Variants in ARFGAP1 observed in about 807,000 individuals in gnomAD.
ARFGAP1 encodes the protein ARF GTPase activating protein 1.
In ARFGAP1, 26 loss-of-function variants were observed where a neutral mutation model predicts 54.0. The observed-to-expected ratio is 0.48, with a 90% CI of 0.35 to 0.67. The LOEUF (loss-of-function observed/expected upper bound fraction) is 0.67. Ranked by LOEUF, ARFGAP1 falls within the 30% of genes least tolerant of loss-of-function variation. The probability of loss-of-function intolerance (pLI) is 0.00; values close to 1 mark genes in which losing one functional copy is unlikely to be tolerated. For missense variants in ARFGAP1, 525 were observed against 535.8 expected, an observed-to-expected ratio of 0.98 and a Z score of 0.20; for synonymous variants, 248 against 211.9, an observed-to-expected ratio of 1.17 and a Z score of -1.48.
chr20:63,285,548 GC>G (rs2067510018), intron 10 of ARFGAP1, 105 bp from the exon 11 acceptor site: 1 of 1,185,122 alleles, frequency 8.4e-7, no homozygotes, highest in Admixed American at 1.7e-5. Flanking sequence ...GTATCCACAT[GC>G]CCCTGATATT....
At chr20:63,282,768 C>T (rs774348188) in intron 8 of ARFGAP1, 51 bp from the exon 9 acceptor site, 10 of 1,604,450 alleles carry the variant, frequency 6.2e-6, no homozygotes, top group East Asian at 2.2e-5. Flanking sequence ...GGAAGGATGC[C>T]TGGCAGCCCA....
In ARFGAP1 at chr20:63,278,203, G is replaced by A; in HGVS notation, c.530G>A (p.Gly177Glu). The A allele has an allele frequency of 6.2e-7, 1 of 1,612,998 alleles. No individual in the cohort carries two copies. Among genetic ancestry groups the A allele is most frequent in the East Asian group, 2.2e-5 (1 of 44,882 alleles). ...WLNDDLGSYQ[G>E]AQGNRYVGFG... ...AATGATGACCTCGGCTCCTATCAAGGGTAAGGACTTGAGAGCTGGGGACGC... is the reference window on the plus strand; with the variant it reads ...AATGATGACCTCGGCTCCTATCAAGAGTAAGGACTTGAGAGCTGGGGACGC... The change falls in exon 6 of 13, where the codon GGG (glycine) becomes GAG (glutamate). Residue 177 changes from glycine (G) to glutamate (E), a missense_variant and splice_region_variant. Gly to Glu is a moderately conservative substitution (Grantham distance 98). Transcript: ENST00000370283.
At chr20:63,283,963 C>T (rs1455834146) in intron 9 of ARFGAP1, 2 of 1,587,828 alleles carry the variant, frequency 1.3e-6, no homozygotes, top group Non-Finnish European at 8.6e-7. Flanking sequence ...CTGCGTGCTG[C>T]CACTGTCTTG....
intron 9 of ARFGAP1, 196 bp from the exon 10 acceptor site, chr20:63,284,670 C>T (rs2123297292): frequency 7.0e-7 from 1 of 1,426,324 alleles, no homozygotes; most frequent in East Asian, 2.6e-5. Context: ...GCGGTCTCCG[C>T]CTTCTAGAGG....
Position 63,278,134 on chromosome 20 carries a change from A to C in ARFGAP1, c.461A>C (p.Gln154Pro). 6.2e-7 allele frequency: 1 copy of C among 1,613,736 alleles called. No homozygotes were observed. Among genetic ancestry groups the C allele is most frequent in the East Asian group, 2.2e-5 (1 of 44,882 alleles). ...SMVHRVSGQP[Q>P]SVTASSDKAF... ...GGTTTCAGAGTCTCTGGCCAGCCGC[A>C]GAGTGTGACCGCCTCCTCGGACAAG... is the stretch of plus-strand genomic sequence containing the variant. Residue 154 changes from glutamine (Q) to proline (P), a missense_variant, in exon 6 of 13, where the codon CAG becomes CCG. Physicochemically the swap from Gln to Pro is moderately conservative, Grantham distance 76. Around this residue, in one of 3 missense-constraint regions of ARFGAP1, gnomAD observed 466 missense variants for 453.6 expected, o/e 1.03. Transcript: ENST00000370283.
rs2067606138 is a variant in ARFGAP1 at position 63,287,884 on chromosome 20, GC to G, written c.*16del. 1 of 1,504,032 alleles carries G rather than the reference GC, an allele frequency of 6.6e-7. No homozygotes were observed. The highest frequency in any genetic ancestry group is 2.3e-4 in the Middle Eastern group (1 of 4,408). 93.2% of individuals were successfully genotyped at this position (1,504,032 alleles called of 1,614,324 possible). On this transcript the variant is annotated 3_prime_UTR_variant, in exon 13 of 13. Transcript: ENST00000370283. ...AACCAGAACTGGTAGGGCCCACTGCGCCCCCGTCCCCAGCGCCCCCGGGCGA... is the reference window on the plus strand; with the variant it reads ...AACCAGAACTGGTAGGGCCCACTGCGCCCCGTCCCCAGCGCCCCCGGGCGA...
At chr20:63,279,266 T>C in intron 7 of ARFGAP1, 1 of 542,542 alleles carries the variant, frequency 1.8e-6, no homozygotes. Flanking sequence ...AGGGCAGTGG[T>C]GCGACCTCAG....
Position 63,286,167 on chromosome 20 carries a change from A to G in ARFGAP1, c.835-199A>G, listed in dbSNP as rs1403948161. ...TGTGCACGAGGCTGTCCTCGCTGCC[A>G]TGTCCCGCACACACCTGGCACCGCT... On this transcript the variant is annotated intron_variant, in intron 11 of 12. Coordinates refer to ENST00000370283, the MANE Select transcript of ARFGAP1 (RefSeq NM_018209.4). The G allele has an allele frequency of 5.8e-6, 9 of 1,550,152 alleles. No homozygotes were observed. In the African/African-American group the frequency reaches 8.2e-5, roughly 14 times the overall value.
In ARFGAP1 at chr20:63,288,217, T is replaced by G. The variant is rs1031697974; in HGVS notation, c.*344T>G. The G allele has an allele frequency of 8.1e-5, 45 of 557,624 alleles. No homozygotes were observed. The highest frequency in any genetic ancestry group is 1.2e-4 in the Non-Finnish European group (34 of 293,976). 34.5% of individuals were successfully genotyped at this position (557,624 alleles called of 1,614,324 possible). On this transcript the variant is annotated 3_prime_UTR_variant, in exon 13 of 13. Transcript: ENST00000370283. ...TTCCAGCGGCCAGTTCACTACGCAG[T>G]ATCTCTGGGGCCTGGGACCAGCCAC... is the stretch of plus-strand genomic sequence containing the variant.
intron 9 of ARFGAP1, 183 bp from the exon 10 acceptor site, chr20:63,284,683 G>A (rs2067478359): frequency 1.0e-5 from 15 of 1,437,244 alleles, no homozygotes; most frequent in Non-Finnish European, 1.4e-5. Flanking sequence ...TCTAGAGGTG[G>A]CGGCCTACTG....
chr20:63,276,360 G>A lies in ARFGAP1; in HGVS notation c.171-120G>A, dbSNP rs1177974736. 10 of 1,407,926 alleles carry A rather than the reference G, an allele frequency of 7.1e-6. No individual in the cohort carries two copies. Among genetic ancestry groups the A allele is most frequent in the Middle Eastern group, 2.3e-4 (1 of 4,424 alleles). The allele number at this position is 1,407,926 out of a possible 1,614,324, so 87.2% of individuals were successfully genotyped here. ...GCCATGGCACAGAGTTCCAGCTGCT[G>A]GCCACTCAGCCTCCCTGCGGCTGCT... On this transcript the variant is annotated intron_variant, in intron 3 of 12. Transcript: ENST00000370283. This position sits in a 1 kb window ranked among gnomAD's most constrained non-coding sequence, Gnocchi z 5.2.
At position 63,276,319 on chromosome 20, in the gene ARFGAP1, T is replaced by C. The variant is rs2067237025; in HGVS notation, c.170+119T>C. On this transcript the variant is annotated intron_variant, in intron 3 of 12. Coordinates refer to ENST00000370283, the MANE Select transcript of ARFGAP1 (RefSeq NM_018209.4). The surrounding 1 kb of genome is among the most constrained non-coding windows in gnomAD (Gnocchi z 5.2). ...GGGCCACCTCCCATTGCATTGCCAG[T>C]GTCCACTCTAGTGACGCCATGGCAC... is the stretch of plus-strand genomic sequence containing the variant. 1.5e-6 allele frequency: 2 copies of C among 1,377,194 alleles called. No homozygotes were observed. The highest frequency in any genetic ancestry group is 1.9e-5 in the Admixed American group (1 of 53,718). 85.3% of individuals were successfully genotyped at this position (1,377,194 alleles called of 1,614,324 possible).
intron 7 of ARFGAP1, 41 bp downstream of exon 7, chr20:63,279,036 C>G: frequency 6.2e-7 from 1 of 1,601,630 alleles, no homozygotes; most frequent in African/African-American, 1.3e-5. Context: ...ATGGGCAGAC[C>G]CCGCCCTGAG....
At chr20:63,277,353 A>T in intron 5 of ARFGAP1, 48 bp downstream of exon 5, 1 of 1,483,464 alleles carries the variant, frequency 6.7e-7, no homozygotes, top group South Asian at 1.2e-5. Context: ...TGGGTCCTGA[A>T]CTTAGTAGAT....
intron 6 of ARFGAP1, chr20:63,278,456 T>G: frequency 2.0e-6 from 1 of 494,238 alleles, no homozygotes; most frequent in Non-Finnish European, 3.7e-6. Context: ...GACCCCCAGC[T>G]GCCCAGGTGT....
At position 63,289,050 on chromosome 20, in the gene ARFGAP1, T is replaced by TG; in HGVS notation, c.*1178dup. On this transcript the variant is annotated 3_prime_UTR_variant, in exon 13 of 13. Transcript: ENST00000370283. ...GTCCCACCCTAGGGACTCAGCCACT[T>TG]GCAGAACAGGATGGGACCGAGATTT... The TG allele has an allele frequency of 6.0e-6, 1 of 166,226 alleles. No homozygotes were observed. The highest frequency in any genetic ancestry group is 1.6e-4 in the East Asian group (1 of 6,178). The allele number at this position is 166,226 out of a possible 1,614,324, so 10.3% of individuals were successfully genotyped here. A position where few individuals can be genotyped will look rare whatever the true frequency, so the allele number is the denominator to read the frequency against.
At chr20:63,284,028 T>A (rs1360476052) in intron 9 of ARFGAP1, 2 of 1,463,774 alleles carry the variant, frequency 1.4e-6, no homozygotes, top group Non-Finnish European at 1.8e-6. Context: ...GGTCCGTGGC[T>A]CTCCTTTAAG....
intron 11 of ARFGAP1, 193 bp from the exon 12 acceptor site, chr20:63,286,173 C>A: frequency 1.3e-6 from 2 of 1,550,114 alleles, no homozygotes; most frequent in Non-Finnish European, 1.7e-6. Flanking sequence ...TGCCATGTCC[C>A]GCACACACCT....
intron 9 of ARFGAP1, chr20:63,283,522 C>G: frequency 2.7e-6 from 1 of 369,394 alleles, no homozygotes; most frequent in Non-Finnish European, 4.9e-6. Context: ...TCCTTTCTCA[C>G]GAGGTGCCCA....
Sources: allele counts gnomAD v4.1 joint callset, GRCh38; gene constraint gnomAD v4.1.1; regional missense constraint gnomAD v4.1.1; non-coding constraint Gnocchi (gnomAD v3.1); transcripts MANE v1.5; gene names NCBI Gene and HGNC (gene_info 2026-07-23, HGNC 2026-07-21).